The following CRIM1 variants were observed in gnomAD, a reference collection of about 807,000 sequenced individuals.
CRIM1 encodes the protein cysteine rich transmembrane BMP regulator 1, also known as cysteine-rich motor neuron 1 protein.
In CRIM1, 32 loss-of-function variants were observed where a neutral mutation model predicts 116.4. The observed-to-expected ratio is 0.27, with a 90% CI of 0.21 to 0.37. The LOEUF is 0.37. Among genes scored for constraint, CRIM1 ranks in the 10% least tolerant of loss-of-function variants. The pLI is 1.00. For missense variants in CRIM1, 1,331 were observed against 1,354.8 expected (o/e 0.98, Z 0.28); for synonymous variants, 590 against 509.2 (o/e 1.16, Z -2.13).
chr2:36,431,165 G>C (rs956536500), intron 2 of CRIM1, among the ~76,000 whole-genome samples: 1 of 152,058 alleles, frequency 6.6e-6, no homozygotes, highest in African/African-American at 2.4e-5. Flanking sequence ...TCTGTGCCTT[G>C]GGACATCGCG....
intron 7 of CRIM1, among the ~76,000 whole-genome samples, chr2:36,495,086 A>G (rs937174760): frequency 1.3e-5 from 2 of 152,186 alleles, no homozygotes; most frequent in African/African-American, 4.8e-5. Context: ...TCCAAGCAGC[A>G]AGTATCATGT....
intron 13 of CRIM1, among the ~76,000 whole-genome samples, chr2:36,528,182 A>C (rs1179122009): frequency 6.6e-6 from 1 of 152,244 alleles, no homozygotes. Context: ...ATTATCAAAT[A>C]GATTCTAGTG....
In CRIM1 at chr2:36,494,295, A is replaced by G. The variant is rs1054737530; in HGVS notation, c.1373-4924A>G. Among the ~76,000 whole-genome samples, 5 of 152,198 alleles carry G rather than the reference A, an allele frequency of 3.3e-5. No individual in the cohort carries two copies. In the East Asian group the frequency reaches 7.7e-4, roughly 23 times the overall value. ...TATAAAATACCGATGGTGTTTTTCA[A>G]TAACAGTGTCTGAAGCTCTCTAATT... On this transcript the variant is annotated intron_variant, in intron 7 of 16. Coordinates refer to ENST00000280527, the MANE Select transcript of CRIM1 (RefSeq NM_016441.3).
intron 1 of CRIM1, among the ~76,000 whole-genome samples, chr2:36,366,898 C>G (rs148203947): frequency 1.3e-5 from 2 of 152,336 alleles, no homozygotes; most frequent in African/African-American, 4.8e-5. Context: ...AGTAGTTGGA[C>G]CACTTCAGGC....
intron 8 of CRIM1, among the ~76,000 whole-genome samples, chr2:36,506,849 T>C (rs1235225526): frequency 6.6e-6 from 1 of 152,116 alleles, no homozygotes; most frequent in Non-Finnish European, 1.5e-5. Context: ...TCTTTATTTA[T>C]GTTTTTATTT....
chr2:36,449,766 C>T (rs1297609688), intron 4 of CRIM1, among the ~76,000 whole-genome samples: 1 of 151,848 alleles, frequency 6.6e-6, no homozygotes, highest in Non-Finnish European at 1.5e-5. Context: ...AATTTCAGAG[C>T]TCAGAAAATA....
At chr2:36,412,431 T>G (rs767830619) in intron 2 of CRIM1, among the ~76,000 whole-genome samples, 12 of 152,184 alleles carry the variant, frequency 7.9e-5, no homozygotes, top group Admixed American at 2.6e-4. Context: ...CATCGAGAGA[T>G]TGGCAGTGGG....
intron 1 of CRIM1, among the ~76,000 whole-genome samples, chr2:36,359,627 TTAAA>T (rs1357795201): frequency 2.0e-5 from 3 of 152,328 alleles, no homozygotes; most frequent in East Asian, 1.9e-4. Flanking sequence ...TTCTGAATGA[TTAAA>T]TAATGTGATG....
At chr2:36,497,227 GT>G (rs1680663862) in intron 7 of CRIM1, among the ~76,000 whole-genome samples, 4 of 152,214 alleles carry the variant, frequency 2.6e-5, no homozygotes, top group Admixed American at 1.3e-4. Flanking sequence ...GGAAAGCAGT[GT>G]GCCTAGAGTT....
rs567181795 is a variant in CRIM1 at position 36,525,512 on chromosome 2, A to AT, written c.2428+3199_2428+3200insT. ...CCAGAGGTCACTGAGCAAAGGAAAA[A>AT]CATGGAAACACACCATCAGGCGGCA... is the stretch of plus-strand genomic sequence containing the variant. On this transcript the variant is annotated intron_variant, in intron 13 of 16. Coordinates refer to ENST00000280527, the MANE Select transcript of CRIM1 (RefSeq NM_016441.3). Among the ~76,000 whole-genome samples, 445 of 152,306 alleles carry AT rather than the reference A, an allele frequency of 2.9e-3. 1 individual carries two copies. Among genetic ancestry groups the AT allele is most frequent in the Non-Finnish European group, 4.7e-3 (323 of 68,024 alleles).
intron 4 of CRIM1, among the ~76,000 whole-genome samples, chr2:36,449,883 CA>C (rs11430812): frequency 1.3e-5 from 2 of 149,928 alleles, no homozygotes; most frequent in East Asian, 1.9e-4. Context: ...AAAAACAAAA[CA>C]AAAAAAAACC....
At chr2:36,382,566 G>A (rs1322992243) in intron 1 of CRIM1, among the ~76,000 whole-genome samples, 1 of 152,232 alleles carries the variant, frequency 6.6e-6, no homozygotes, top group Non-Finnish European at 1.5e-5. Flanking sequence ...GTGCTAAATA[G>A]AAATGTCGTG....
At chr2:36,546,015 A>C (rs1426771593) in intron 15 of CRIM1, among the ~76,000 whole-genome samples, 1 of 152,134 alleles carries the variant, frequency 6.6e-6, no homozygotes, top group African/African-American at 2.4e-5. Flanking sequence ...ACCCCTCCAG[A>C]ACACACACAG....
intron 3 of CRIM1, 135 bp from the exon 4 acceptor site, chr2:36,442,480 A>G: frequency 2.1e-6 from 2 of 956,914 alleles, no homozygotes; most frequent in Admixed American, 2.0e-5. Context: ...AACTGGAGTA[A>G]CATGTCGACA....
At chr2:36,487,476 A>G (rs1018224840) in intron 7 of CRIM1, among the ~76,000 whole-genome samples, 1 of 151,828 alleles carries the variant, frequency 6.6e-6, no homozygotes, top group African/African-American at 2.4e-5. Context: ...CCTTTTGAAT[A>G]TCCTTAGCTT....
At chr2:36,498,777 A>G (rs184934674) in intron 7 of CRIM1, among the ~76,000 whole-genome samples, 2 of 152,356 alleles carry the variant, frequency 1.3e-5, no homozygotes, top group East Asian at 3.9e-4. Context: ...TGGAAAAAAA[A>G]TAGTAACCGA....
intron 1 of CRIM1, among the ~76,000 whole-genome samples, chr2:36,363,179 G>A (rs1455769104): frequency 2.8e-5 from 4 of 142,576 alleles, no homozygotes; most frequent in South Asian, 2.2e-4. Context: ...CAGCCTGGGC[G>A]ACAAAGCAAG....
intron 2 of CRIM1, among the ~76,000 whole-genome samples, chr2:36,419,045 T>C (rs1673853191): frequency 6.6e-6 from 1 of 152,212 alleles, no homozygotes; most frequent in African/African-American, 2.4e-5. Context: ...ATCCTGACAG[T>C]ATCCCTGTAA....
At chr2:36,475,996 T>C (rs1000434299) in intron 5 of CRIM1, among the ~76,000 whole-genome samples, 2 of 152,160 alleles carry the variant, frequency 1.3e-5, no homozygotes, top group African/African-American at 4.8e-5. Flanking sequence ...TTTTTTAAGA[T>C]TTTTGTGTCT....
Sources: allele counts gnomAD v4.1 joint callset (sites outside exome capture counted in the v4.1 genomes callset), GRCh38; gene constraint gnomAD v4.1.1; transcripts MANE v1.5; gene names NCBI Gene and HGNC (gene_info 2026-07-23, HGNC 2026-07-21).